DHRS13: variants seen among roughly 807,000 people sequenced by gnomAD.
DHRS13 encodes the protein dehydrogenase/reductase SDR family member 13.
DHRS13 carries 22 observed loss-of-function variants against 17.9 expected under a neutral mutation model. That is an observed-to-expected ratio of 1.23 (90% CI 0.88 to 1.75). The LOEUF is 1.75. DHRS13 is among the 40% of genes most tolerant of loss of function. The pLI, the probability that DHRS13 is intolerant of heterozygous loss-of-function variation, is 0.00. For synonymous variants in DHRS13, 206 were observed against 220.4 expected (o/e 0.93, Z 0.58); for missense variants, 483 against 519.9 (o/e 0.93, Z 0.69).
Position 28,901,005 on chromosome 17 carries a change from A to G in DHRS13, c.667T>C (p.Tyr223His). 1 of 1,599,768 alleles carries G rather than the reference A, an allele frequency of 6.3e-7. No individual in the cohort carries two copies. Among genetic ancestry groups the G allele is most frequent in the Non-Finnish European group, 8.5e-7 (1 of 1,170,516 alleles). ...CAGACCTCACCTGGGTGGGCTGCAT[A>G]GCAGGTGACGCCAGTGGCCTCAAGC... ...NQLEATGVTC[Y>H]AAHPGPVNSE... Residue 223 changes from tyrosine (Y) to histidine (H), a missense_variant, in exon 4 of 5, where the codon TAT becomes CAT. By Grantham distance (83) the Tyr-to-His change is moderately conservative. Transcript: ENST00000378895. This position sits in a 1 kb window ranked among gnomAD's most constrained non-coding sequence, Gnocchi z 4.3.
In DHRS13 at chr17:28,901,195, T is replaced by C. The variant is rs777442522; in HGVS notation, c.477A>G (p.Ala159=). 5.0e-6 allele frequency: 8 copies of C among 1,614,052 alleles called. No homozygotes were observed. Among genetic ancestry groups the C allele is most frequent in the African/African-American group, 1.3e-5 (1 of 74,928 alleles). Residue 159 remains alanine, a synonymous_variant, in exon 4 of 5, where the codon GCA becomes GCG. Coordinates refer to ENST00000378895, the MANE Select transcript of DHRS13 (RefSeq NM_144683.4). This position sits in a 1 kb window ranked among gnomAD's most constrained non-coding sequence, Gnocchi z 4.3. ...LTHLLLPCLK[A]CAPSRVVVVA... ...CCACCACCACGCGGCTAGGGGCACA[T>C]GCCTTCAGGCAAGGCAGCAGCAGAT... is the stretch of plus-strand genomic sequence containing the variant.
At position 28,901,968 on chromosome 17, in the gene DHRS13, T is replaced by G; in HGVS notation, c.247-352A>C. 4.8e-6 allele frequency: 1 copy of G among 206,562 alleles called. No homozygotes were observed. The highest frequency in any genetic ancestry group is 9.9e-6 in the Non-Finnish European group (1 of 101,436). The allele number at this position is 206,562 out of a possible 1,614,324, so 12.8% of individuals were successfully genotyped here. The stretch of plus-strand genomic sequence containing the variant: ...CTTGCTATTATTATTATCACCTCCT[T>G]TCCCCATTACCATTTACCCTAAAAT... On this transcript the variant is annotated intron_variant, in intron 2 of 4. Coordinates refer to ENST00000378895, the MANE Select transcript of DHRS13 (RefSeq NM_144683.4). The surrounding 1 kb of genome is among the most constrained non-coding windows in gnomAD (Gnocchi z 4.3).
At position 28,901,661 on chromosome 17, in the gene DHRS13, C is replaced by T. The variant is rs1413052281; in HGVS notation, c.247-45G>A. The T allele has an allele frequency of 2.5e-6, 4 of 1,606,534 alleles. No homozygotes were observed. In the African/African-American group the frequency reaches 4.0e-5, roughly 16 times the overall value. On this transcript the variant is annotated intron_variant, in intron 2 of 4. Transcript: ENST00000378895. The surrounding 1 kb of genome is among the most constrained non-coding windows in gnomAD (Gnocchi z 4.3). ...GGGCTTGTCACCAGGCATCTCTCTC[C>T]TCTTCCCTCTCCCCAGGCACCAAAT...
intron 4 of DHRS13, among the ~76,000 whole-genome samples, chr17:28,900,203 G>A (rs533301200): frequency 1.7e-3 from 262 of 151,936 alleles, no homozygotes; most frequent in Middle Eastern, 3.4e-3. Context: ...GAGCCACCAC[G>A]CCCAGCCTAG....
At position 28,902,799 on chromosome 17, in the gene DHRS13, C is replaced by A; in HGVS notation, c.127+19G>T. ...TCCGCGCGCCCCGCCAGCTCGCACT[C>A]ACCCGCCTCCGCACTCACCCGTGAC... On this transcript the variant is annotated intron_variant, in intron 1 of 4. Transcript: ENST00000378895. This position sits in a 1 kb window ranked among gnomAD's most constrained non-coding sequence, Gnocchi z 4.0. 1 of 1,511,360 alleles carries A rather than the reference C, an allele frequency of 6.6e-7. No homozygotes were observed. Among genetic ancestry groups the A allele is most frequent in the Non-Finnish European group, 8.8e-7 (1 of 1,138,288 alleles). The allele number at this position is 1,511,360 out of a possible 1,614,324, so 93.6% of individuals were successfully genotyped here. A position where few individuals can be genotyped will look rare whatever the true frequency, so the allele number is the denominator to read the frequency against.
In DHRS13 at chr17:28,901,616, C is replaced by G; in HGVS notation, c.247G>C (p.Glu83Gln). 6.2e-7 allele frequency: 1 copy of G among 1,614,194 alleles called. No individual in the cohort carries two copies. Among genetic ancestry groups the G allele is most frequent in the Non-Finnish European group, 8.5e-7 (1 of 1,179,994 alleles). Residue 83 changes from glutamate (E) to glutamine (Q), a missense_variant and splice_region_variant, in exon 3 of 5, where the codon GAG becomes CAG. Coordinates refer to ENST00000378895, the MANE Select transcript of DHRS13 (RefSeq NM_144683.4). This position sits in a 1 kb window ranked among gnomAD's most constrained non-coding sequence, Gnocchi z 4.3. ...AAGATGACCTCATTGTTCCCACTCT[C>G]CTGTGGAGAGGCAAGGGCTGGGCTT... ...GEAAAFDLRQ[E>Q]SGNNEVIFMA...
intron 4 of DHRS13, 43 bp from the exon 5 acceptor site, chr17:28,898,935 G>T: frequency 6.6e-7 from 1 of 1,520,244 alleles, no homozygotes; most frequent in Non-Finnish European, 8.8e-7. Context: ...AGGCACAGTG[G>T]TGTGTATTTA....
In DHRS13 at chr17:28,898,221, C is replaced by A; in HGVS notation, c.*220G>T. ...CCGAGAAGCACAGTGTCTAGCATAC[C>A]CCTATCTCTCCATCTGGGGTTACTG... On this transcript the variant is annotated 3_prime_UTR_variant, in exon 5 of 5. Transcript: ENST00000378895. The A allele has an allele frequency of 1.7e-6, 1 of 572,438 alleles. No individual in the cohort carries two copies. The highest frequency in any genetic ancestry group is 3.0e-6 in the Non-Finnish European group (1 of 330,620). 35.5% of individuals were successfully genotyped at this position (572,438 alleles called of 1,614,324 possible). A position where few individuals can be genotyped will look rare whatever the true frequency, so the allele number is the denominator to read the frequency against.
intron 4 of DHRS13, 74 bp downstream of exon 4, chr17:28,900,916 G>A (rs767963391): frequency 4.0e-5 from 58 of 1,454,320 alleles, no homozygotes; most frequent in Admixed American, 6.7e-5. Context: ...GTGGGGAGGC[G>A]GTAGTGGTGT....
In DHRS13 at chr17:28,901,658, C is replaced by T; in HGVS notation, c.247-42G>A. On this transcript the variant is annotated intron_variant, in intron 2 of 4. Coordinates refer to ENST00000378895, the MANE Select transcript of DHRS13 (RefSeq NM_144683.4). The surrounding 1 kb of genome is among the most constrained non-coding windows in gnomAD (Gnocchi z 4.3). ...GCTGGGCTTGTCACCAGGCATCTCTCTCCTCTTCCCTCTCCCCAGGCACCA... is the reference window on the plus strand; with the variant it reads ...GCTGGGCTTGTCACCAGGCATCTCTTTCCTCTTCCCTCTCCCCAGGCACCA... The T allele has an allele frequency of 6.2e-7, 1 of 1,607,026 alleles. No individual in the cohort carries two copies. Among genetic ancestry groups the T allele is most frequent in the East Asian group, 2.2e-5 (1 of 44,742 alleles).
In DHRS13 at chr17:28,901,768, C is replaced by T. The variant is rs115755544; in HGVS notation, c.247-152G>A. The T allele has an allele frequency of 5.7e-3, 7,498 of 1,326,664 alleles. 259 individuals are homozygous for T. In the African/African-American group the frequency reaches 0.086, roughly 15 times the overall value. 82.2% of individuals were successfully genotyped at this position (1,326,664 alleles called of 1,614,324 possible). A position where few individuals can be genotyped will look rare whatever the true frequency, so the allele number is the denominator to read the frequency against. ...CTAGATAAGTGTGTGGATTCAAATCCTGACTTTGCCTTTTACTAAAGTGTG... is the reference window on the plus strand; with the variant it reads ...CTAGATAAGTGTGTGGATTCAAATCTTGACTTTGCCTTTTACTAAAGTGTG... On this transcript the variant is annotated intron_variant, in intron 2 of 4. Coordinates refer to ENST00000378895, the MANE Select transcript of DHRS13 (RefSeq NM_144683.4). The surrounding 1 kb of genome is among the most constrained non-coding windows in gnomAD (Gnocchi z 4.3).
intron 4 of DHRS13, among the ~76,000 whole-genome samples, chr17:28,900,060 C>T (rs1392220100): frequency 1.3e-5 from 2 of 152,038 alleles, no homozygotes; most frequent in Non-Finnish European, 2.9e-5. Flanking sequence ...ATTACAGGCG[C>T]GCGCCACCAC....
At position 28,901,822 on chromosome 17, in the gene DHRS13, G is replaced by T; in HGVS notation, c.247-206C>A. 1 of 724,540 alleles carries T rather than the reference G, an allele frequency of 1.4e-6. No homozygotes were observed. The highest frequency in any genetic ancestry group is 2.2e-6 in the Non-Finnish European group (1 of 461,604). 44.9% of individuals were successfully genotyped at this position (724,540 alleles called of 1,614,324 possible). ...TTGGGCAAGATACTTAATCTCTCTG[G>T]GTCTCAGTTCTCTCACTGCGTAAAG... is the stretch of plus-strand genomic sequence containing the variant. On this transcript the variant is annotated intron_variant, in intron 2 of 4. Transcript: ENST00000378895. The surrounding 1 kb of genome is among the most constrained non-coding windows in gnomAD (Gnocchi z 4.3).
Position 28,898,813 on chromosome 17 carries a change from CA to C in DHRS13, c.761del (p.Val254GlyfsTer83), listed in dbSNP as rs2152652153. The C allele has an allele frequency of 1.2e-6, 2 of 1,609,384 alleles. No individual in the cohort carries two copies. Among genetic ancestry groups the C allele is most frequent in the African/African-American group, 2.7e-5 (2 of 74,962 alleles). On this transcript the variant is annotated frameshift_variant, in exon 5 of 5. Transcript: ENST00000378895. LOFTEE classifies it high-confidence loss of function. ...RPLLRPLAWL[V>X]LRAPRGGAQT... The stretch of plus-strand genomic sequence containing the variant: ...GGGCACCCCCTCTTGGTGCCCGGAG[CA>C]CCAGCCAAGCCAATGGGCGCAAAAG...
rs1282503977 is a variant in DHRS13, at chr17:28,901,007, C to T, written c.665G>A (p.Cys222Tyr). The change falls in exon 4 of 5, where the codon TGC becomes TAC. Residue 222 changes from cysteine (C) to tyrosine (Y), a missense_variant. By Grantham distance (194) the Cys-to-Tyr change is radical. Transcript: ENST00000378895. The surrounding 1 kb of genome is among the most constrained non-coding windows in gnomAD (Gnocchi z 4.3). Reference protein sequence around the residue: ...ANQLEATGVTCYAAHPGPVNS... With the variant: ...ANQLEATGVTYYAAHPGPVNS... The stretch of plus-strand genomic sequence containing the variant: ...GACCTCACCTGGGTGGGCTGCATAG[C>T]AGGTGACGCCAGTGGCCTCAAGCTG... The T allele has an allele frequency of 6.2e-7, 1 of 1,600,206 alleles. No homozygotes were observed. Among genetic ancestry groups the T allele is most frequent in the Admixed American group, 1.7e-5 (1 of 59,298 alleles).
rs1313431383 is a variant in DHRS13 at position 28,901,668 on chromosome 17, C to A, written c.247-52G>T. Reference sequence around the variant, plus strand: ...TCACCAGGCATCTCTCTCCTCTTCCCTCTCCCCAGGCACCAAATTCTGAGA... The same window carrying A: ...TCACCAGGCATCTCTCTCCTCTTCCATCTCCCCAGGCACCAAATTCTGAGA... On this transcript the variant is annotated intron_variant, in intron 2 of 4. Transcript: ENST00000378895. This position sits in a 1 kb window ranked among gnomAD's most constrained non-coding sequence, Gnocchi z 4.3. The A allele has an allele frequency of 6.2e-7, 1 of 1,604,698 alleles. No individual in the cohort carries two copies. Among genetic ancestry groups the A allele is most frequent in the African/African-American group, 1.3e-5 (1 of 74,730 alleles).
rs1161844398 is a variant in DHRS13, at chr17:28,902,787, C to A, written c.127+31G>T. On this transcript the variant is annotated intron_variant, in intron 1 of 4. Coordinates refer to ENST00000378895, the MANE Select transcript of DHRS13 (RefSeq NM_144683.4). The surrounding 1 kb of genome is among the most constrained non-coding windows in gnomAD (Gnocchi z 4.0). ...CCCGGCCTCCTCTCCGCGCGCCCCG[C>A]CAGCTCGCACTCACCCGCCTCCGCA... The A allele has an allele frequency of 1.3e-6, 2 of 1,485,234 alleles. No individual in the cohort carries two copies. The highest frequency in any genetic ancestry group is 2.5e-5 in the South Asian group (2 of 79,494). 92.0% of individuals were successfully genotyped at this position (1,485,234 alleles called of 1,614,324 possible). A position where few individuals can be genotyped will look rare whatever the true frequency, so the allele number is the denominator to read the frequency against.
chr17:28,898,827 ATGGGCGCAAAAG>A lies in DHRS13; in HGVS notation c.736_747del (p.Leu247_Leu250del), dbSNP rs777507508. 6.2e-7 allele frequency: 1 copy of A among 1,609,678 alleles called. No individual in the cohort carries two copies. The highest frequency in any genetic ancestry group is 1.1e-5 in the South Asian group (1 of 90,368). ...GGTGCCCGGAGCACCAGCCAAGCCA[ATGGGCGCAAAAG>A]TGGGCGCAGCCATCCAGGAACATGG... On this transcript the variant is annotated inframe_deletion, in exon 5 of 5. Transcript: ENST00000378895.
intron 4 of DHRS13, among the ~76,000 whole-genome samples, chr17:28,900,724 G>T (rs1417718654): frequency 1.3e-5 from 2 of 152,260 alleles, no homozygotes; most frequent in African/African-American, 4.8e-5. Flanking sequence ...GGCTCCTGGG[G>T]GTGGGAATCC....
Sources: allele counts gnomAD v4.1 joint callset (sites outside exome capture counted in the v4.1 genomes callset), GRCh38; gene constraint gnomAD v4.1.1; non-coding constraint Gnocchi (gnomAD v3.1); transcripts MANE v1.5; gene names NCBI Gene and HGNC (gene_info 2026-07-23, HGNC 2026-07-21).